The following BNIP3L variants were observed in gnomAD, a reference collection of about 807,000 sequenced individuals.
The protein encoded by BNIP3L is BCL2/adenovirus E1B 19 kDa protein-interacting protein 3-like.
A neutral mutation model predicts 25.5 loss-of-function variants in BNIP3L; 10 were observed. The observed-to-expected ratio is 0.39, with a 90% CI of 0.24 to 0.67. The LOEUF (loss-of-function observed/expected upper bound fraction) is 0.67. Ranked by LOEUF, BNIP3L falls within the 30% of genes least tolerant of loss-of-function variation. The probability of loss-of-function intolerance (pLI) is 0.45; values close to 1 mark genes in which losing one functional copy is unlikely to be tolerated. For missense variants in BNIP3L, 215 were observed against 270.9 expected (o/e 0.79, Z 1.45); for synonymous variants, 113 against 101.2 (o/e 1.12, Z -0.70).
In BNIP3L at chr8:26,408,347, C is replaced by A. The variant is rs749845213; in HGVS notation, c.582C>A (p.Phe194Leu). Reference protein sequence around the residue: ...EFLKVFIPSLFLSHVLALGLG... With the variant: ...EFLKVFIPSLLLSHVLALGLG... ...TGAAGGTGTTCATTCCATCTCTCTT[C>A]CTTTCTCATGTTTTGGCTTTGGGGC... The change falls in exon 5 of 6, where the codon TTC (phenylalanine) becomes TTA (leucine). Residue 194 changes from phenylalanine (F) to leucine (L), a missense_variant. Physicochemically the swap from Phe to Leu is conservative, Grantham distance 22. Around this residue, in one of 4 missense-constraint regions of BNIP3L, gnomAD observed 63 missense variants for 98.8 expected, o/e 0.64. Transcript: ENST00000380629. 2.5e-6 allele frequency: 4 copies of A among 1,614,194 alleles called. No individual in the cohort carries two copies. The South Asian group carries it at 3.3e-5, about 13-fold the overall frequency.
chr8:26,386,084 G>A (rs1400564039), intron 1 of BNIP3L, among the ~76,000 whole-genome samples: 1 of 152,178 alleles, frequency 6.6e-6, no homozygotes, highest in Non-Finnish European at 1.5e-5. Flanking sequence ...AGATTATCTT[G>A]CGTTTGGGAT....
intron 2 of BNIP3L, among the ~76,000 whole-genome samples, chr8:26,393,079 T>A (rs1806150932): frequency 6.6e-6 from 1 of 151,996 alleles, no homozygotes; most frequent in African/African-American, 2.4e-5. Context: ...AGTGGTCATC[T>A]TTCAGAGAAT....
rs1307216374 is a variant in BNIP3L, at chr8:26,411,445, G to T, written c.*1033G>T. On this transcript the variant is annotated 3_prime_UTR_variant, in exon 6 of 6. Transcript: ENST00000380629. ...TGTTTCAGAGTTATTCCAAGCACTT[G>T]TGCAACTTGGAAAAACAGACTTGGG... 1.3e-5 allele frequency: 2 copies of T among 152,148 alleles called. No homozygotes were observed. Among genetic ancestry groups the T allele is most frequent in the African/African-American group, 4.8e-5 (2 of 41,426 alleles). 9.4% of individuals were successfully genotyped at this position (152,148 alleles called of 1,614,324 possible).
In BNIP3L at chr8:26,391,294, A is replaced by T; in HGVS notation, c.152A>T (p.Asn51Ile). 1 of 1,612,504 alleles carries T rather than the reference A, an allele frequency of 6.2e-7. No individual in the cohort carries two copies. The highest frequency in any genetic ancestry group is 1.7e-5 in the Admixed American group (1 of 59,744). ...MNSSNGNDNGNGKNGGLEHVP... is the reference protein window; with the variant it reads ...MNSSNGNDNGIGKNGGLEHVP... Reference sequence around the variant, plus strand: ...AGCAGCAATGGCAATGATAATGGCAATGGGAAAAATGGGGGGCTGGAACAC... The same window carrying T: ...AGCAGCAATGGCAATGATAATGGCATTGGGAAAAATGGGGGGCTGGAACAC... The change falls in exon 2 of 6, where the codon AAT becomes ATT. Residue 51 changes from asparagine to isoleucine, a missense_variant. Asn to Ile is a moderately radical substitution (Grantham distance 149, BLOSUM62 -3). Around this residue, in one of 4 missense-constraint regions of BNIP3L, gnomAD observed 36 missense variants for 75.2 expected, o/e 0.48. Coordinates refer to ENST00000380629, the MANE Select transcript of BNIP3L (RefSeq NM_004331.3).
chr8:26,386,839 G>A (rs2117463630), intron 1 of BNIP3L, among the ~76,000 whole-genome samples: 1 of 152,198 alleles, frequency 6.6e-6, no homozygotes, highest in East Asian at 1.9e-4. Flanking sequence ...TACGTAACTT[G>A]TATGTAAATA....
chr8:26,400,248 A>C (rs1449783127), intron 3 of BNIP3L, among the ~76,000 whole-genome samples: 14 of 151,860 alleles, frequency 9.2e-5, no homozygotes, highest in Admixed American at 3.9e-4. Context: ...CAGAGCCCTC[A>C]GAAATAACGC....
intron 5 of BNIP3L, 67 bp downstream of exon 5, chr8:26,408,443 A>T (rs1806547280): frequency 6.6e-7 from 1 of 1,511,714 alleles, no homozygotes; most frequent in Admixed American, 2.1e-5. Flanking sequence ...GATTGAAGAA[A>T]TGTATGTGAA....
At position 26,383,224 on chromosome 8, in the gene BNIP3L, C is replaced by T. The variant is rs758455160; in HGVS notation, c.94C>T (p.Leu32Phe). Residue 32 changes from leucine to phenylalanine, a missense_variant, in exon 1 of 6, where the codon CTC (leucine) becomes TTC (phenylalanine). Leu to Phe is a conservative substitution (Grantham distance 22). Around this residue, in one of 4 missense-constraint regions of BNIP3L, gnomAD observed 69 missense variants for 53.6 expected, o/e 1.29. Transcript: ENST00000380629. ...GCAGTCTCTGCCCCCGCCGGCCGGC[C>T]TCAACAGTGAGTGCGGGGCCGAGGC... ...NEQSLPPPAG[L>F]NSSWVELPMN... 1 of 1,609,412 alleles carries T rather than the reference C, an allele frequency of 6.2e-7. No individual in the cohort carries two copies. The highest frequency in any genetic ancestry group is 8.5e-7 in the Non-Finnish European group (1 of 1,178,538).
At position 26,395,236 on chromosome 8, in the gene BNIP3L, G is replaced by C. The variant is rs373730069; in HGVS notation, c.291G>C (p.Ser97=). 1 of 1,613,880 alleles carries C rather than the reference G, an allele frequency of 6.2e-7. No individual in the cohort carries two copies. The highest frequency in any genetic ancestry group is 1.1e-5 in the South Asian group (1 of 91,038). Residue 97 remains serine, a synonymous_variant, in exon 3 of 6, where the codon TCG becomes TCC. Transcript: ENST00000380629. ...SRGSSHCDSP[S]PQEDGQIMFD... ...TGAATTCCTTCTCTTCTAGCCCTTCGCCACAAGAAGATGGGCAGATCATGT... is the reference window on the plus strand; with the variant it reads ...TGAATTCCTTCTCTTCTAGCCCTTCCCCACAAGAAGATGGGCAGATCATGT...
At chr8:26,383,513 C>G (rs1563336020) in intron 1 of BNIP3L, 1 of 929,784 alleles carries the variant, frequency 1.1e-6, no homozygotes, top group Non-Finnish European at 1.3e-6. Flanking sequence ...GGGGTGGTCC[C>G]CAGCAGCGGA....
At chr8:26,407,411 C>A (rs975024952) in intron 3 of BNIP3L, among the ~76,000 whole-genome samples, 1 of 152,002 alleles carries the variant, frequency 6.6e-6, no homozygotes, top group African/African-American at 2.4e-5. Context: ...TGGTCTCGAT[C>A]TCCTGACCTT....
intron 2 of BNIP3L, among the ~76,000 whole-genome samples, chr8:26,393,393 C>A (rs935613654): frequency 6.8e-6 from 1 of 146,052 alleles, no homozygotes. Flanking sequence ...ACCTTGACGG[C>A]ACACTAGATT....
chr8:26,390,962 T>C (rs1296333470), intron 1 of BNIP3L, among the ~76,000 whole-genome samples: 3 of 152,160 alleles, frequency 2.0e-5, no homozygotes, highest in Non-Finnish European at 2.9e-5. Flanking sequence ...TAGAGTGTTA[T>C]TATAAACCAA....
intron 5 of BNIP3L, 24 bp downstream of exon 5, chr8:26,408,400 G>A (rs943231585): frequency 6.3e-7 from 1 of 1,584,950 alleles, no homozygotes; most frequent in Admixed American, 1.8e-5. Flanking sequence ...AACTCCTGAA[G>A]TTTTTTCCAT....
chr8:26,388,464 A>G (rs1481656989), intron 1 of BNIP3L, among the ~76,000 whole-genome samples: 1 of 152,170 alleles, frequency 6.6e-6, no homozygotes, highest in Non-Finnish European at 1.5e-5. Flanking sequence ...TGACCACACT[A>G]TACCAGTGTA....
intron 1 of BNIP3L, among the ~76,000 whole-genome samples, chr8:26,384,856 C>A (rs1053994273): frequency 2.0e-5 from 3 of 151,794 alleles, no homozygotes; most frequent in African/African-American, 4.8e-5. Flanking sequence ...TGCCACCCGC[C>A]CAGCTAATTT....
chr8:26,394,392 A>G (rs1806183353), intron 2 of BNIP3L, among the ~76,000 whole-genome samples: 1 of 152,194 alleles, frequency 6.6e-6, no homozygotes, highest in African/African-American at 2.4e-5. Flanking sequence ...TTTGGTCATT[A>G]CATACCTTTA....
At chr8:26,407,182 G>T (rs6986673) in intron 3 of BNIP3L, among the ~76,000 whole-genome samples, 35,183 of 146,698 alleles carry the variant, frequency 0.24, 4,260 homozygotes, top group Middle Eastern at 0.33. Flanking sequence ...ATTTTTTTTT[G>T]TTTTGTTTTG....
chr8:26,402,871 T>C (rs111724773), intron 3 of BNIP3L, among the ~76,000 whole-genome samples: 2,915 of 152,354 alleles, frequency 0.019, 89 homozygotes, highest in African/African-American at 0.067. Flanking sequence ...CCTTAAGAAC[T>C]TAATAACTCC....
Sources: allele counts gnomAD v4.1 joint callset (sites outside exome capture counted in the v4.1 genomes callset), GRCh38; gene constraint gnomAD v4.1.1; regional missense constraint gnomAD v4.1.1; transcripts MANE v1.5; gene names NCBI Gene and HGNC (gene_info 2026-07-23, HGNC 2026-07-21).